ABHD4: variants seen among roughly 807,000 people sequenced by gnomAD.
ABHD4 encodes the protein (Lyso)-N-acylphosphatidylethanolamine lipase.
A neutral mutation model predicts 42.3 loss-of-function variants in ABHD4; 35 were observed. The observed-to-expected ratio is 0.83, with a 90% CI of 0.63 to 1.10. The LOEUF is 1.10. Among genes scored for constraint, ABHD4 ranks in the 50% least tolerant of loss-of-function variants. The pLI is 0.00. For missense variants in ABHD4, 389 were observed against 454.8 expected, an observed-to-expected ratio of 0.86 and a Z score of 1.32; for synonymous variants, 169 against 170.6, an observed-to-expected ratio of 0.99 and a Z score of 0.07.
intron 4 of ABHD4, among the ~76,000 whole-genome samples, chr14:22,604,819 A>G (rs2037330653): frequency 6.6e-6 from 1 of 151,680 alleles, no homozygotes; most frequent in Non-Finnish European, 1.5e-5. Flanking sequence ...CATGTTGGCT[A>G]GGCTGGTCTT....
intron 5 of ABHD4, among the ~76,000 whole-genome samples, chr14:22,608,577 G>T (rs1049915333): frequency 6.6e-6 from 1 of 152,126 alleles, no homozygotes; most frequent in Non-Finnish European, 1.5e-5. Flanking sequence ...ACTTTTAAGC[G>T]TTCACCTCAG....
At chr14:22,609,960 C>T (rs747320730) in intron 6 of ABHD4, 50 bp downstream of exon 6, 8 of 1,576,544 alleles carry the variant, frequency 5.1e-6, no homozygotes, top group Non-Finnish European at 8.7e-7. Flanking sequence ...AGTCAATCAC[C>T]TCTCAGCCTT....
chr14:22,610,183 G>A (rs539570806), intron 6 of ABHD4, among the ~76,000 whole-genome samples: 2 of 152,110 alleles, frequency 1.3e-5, no homozygotes, highest in South Asian at 2.1e-4. Flanking sequence ...TCAGCCTCCC[G>A]AGTAGCTGGG....
chr14:22,602,986 TA>T (rs1049155249), intron 2 of ABHD4, among the ~76,000 whole-genome samples: 4 of 152,082 alleles, frequency 2.6e-5, no homozygotes, highest in African/African-American at 9.7e-5. Flanking sequence ...ATATCAAAGA[TA>T]AAGGGAGTTC....
Position 22,603,379 on chromosome 14 carries a change from T to G in ABHD4, c.113-11T>G, listed in dbSNP as rs755466641. The G allele has an allele frequency of 6.2e-7, 1 of 1,613,936 alleles. No individual in the cohort carries two copies. The highest frequency in any genetic ancestry group is 1.3e-5 in the African/African-American group (1 of 74,904). On this transcript the variant is annotated splice_polypyrimidine_tract_variant and intron_variant, in intron 2 of 6. Transcript: ENST00000428304. ...ACTTATTGACTTACCATGGGATTCT[T>G]TCCTCCCCAGGTCTCCAGAATAAGT...
chr14:22,604,244 T>G (rs1362028093), intron 4 of ABHD4, 165 bp downstream of exon 4: 4 of 861,428 alleles, frequency 4.6e-6, no homozygotes, highest in East Asian at 5.4e-5. Context: ...AGGTTTTTTG[T>G]TTTTTTGTTT....
chr14:22,598,654 T>G, intron 1 of ABHD4: 1 of 513,290 alleles, frequency 1.9e-6, no homozygotes, highest in Non-Finnish European at 3.4e-6. Flanking sequence ...GAAAGCAAGC[T>G]TGTGGGACGC....
chr14:22,610,320 GT>G (rs1594894513), intron 6 of ABHD4, among the ~76,000 whole-genome samples: 1 of 152,176 alleles, frequency 6.6e-6, no homozygotes, highest in East Asian at 1.9e-4. Flanking sequence ...GCCTCCCAAA[GT>G]GCTCGTATTG....
chr14:22,601,722 C>T lies in ABHD4; in HGVS notation c.79C>T (p.Gln27Ter). Reference sequence around the variant, plus strand: ...CACGTGGCGCCCCACTTCCATGTCTCAGCTGAAGAATGTGGAAGCCAGGAT... The same window carrying T: ...CACGTGGCGCCCCACTTCCATGTCTTAGCTGAAGAATGTGGAAGCCAGGAT... ...LPTWRPTSMS[Q>*]LKNVEARILQ... is the part of the protein sequence containing the mutation. The change falls in exon 2 of 7, where the codon CAG becomes TAG. Residue 27 changes from glutamine (Q) to a stop codon, truncating the protein, a stop_gained. Coordinates refer to ENST00000428304, the MANE Select transcript of ABHD4 (RefSeq NM_022060.3). LOFTEE classifies it high-confidence loss of function. 6.2e-7 allele frequency: 1 copy of T among 1,614,174 alleles called. No individual in the cohort carries two copies. Among genetic ancestry groups the T allele is most frequent in the Non-Finnish European group, 8.5e-7 (1 of 1,180,016 alleles).
Position 22,604,044 on chromosome 14 carries a change from A to G in ABHD4, c.605A>G (p.Asn202Ser), listed in dbSNP as rs766986324. The change falls in exon 4 of 7, where the codon AAT becomes AGT. Residue 202 changes from asparagine to serine, a missense_variant. By Grantham distance (46) the Asn-to-Ser change is conservative. Around this residue, in one of 3 missense-constraint regions of ABHD4, gnomAD observed 249 missense variants for 254.4 expected, o/e 0.98. Coordinates refer to ENST00000428304, the MANE Select transcript of ABHD4 (RefSeq NM_022060.3). ...GTGGCATCTGTCCTAGGACGTTCCA[A>G]TCCATTGGCTGTTCTTCGAGTAGCT... ...KAVASVLGRSNPLAVLRVAGP... is the reference protein window; with the variant it reads ...KAVASVLGRSSPLAVLRVAGP... The G allele has an allele frequency of 3.1e-6, 5 of 1,613,984 alleles. No homozygotes were observed. Among genetic ancestry groups the G allele is most frequent in the Admixed American group, 3.3e-5 (2 of 59,996 alleles).
chr14:22,601,877 G>A (rs2037289787), intron 2 of ABHD4, 122 bp downstream of exon 2: 9 of 823,734 alleles, frequency 1.1e-5, no homozygotes, highest in Non-Finnish European at 1.8e-5. Flanking sequence ...TGGGGTGGGA[G>A]GAAAGGATGT....
chr14:22,601,763 G>A lies in ABHD4; in HGVS notation c.112+8G>A. 1 of 1,613,332 alleles carries A rather than the reference G, an allele frequency of 6.2e-7. No individual in the cohort carries two copies. The highest frequency in any genetic ancestry group is 1.7e-5 in the Admixed American group (1 of 60,018). On this transcript the variant is annotated splice_region_variant and intron_variant, in intron 2 of 6. Coordinates refer to ENST00000428304, the MANE Select transcript of ABHD4 (RefSeq NM_022060.3). ...AAGCCAGGATCCTCCAGTGTAAGTAGAATGGACAGCTTGTCCCACCTCCCT... is the reference window on the plus strand; with the variant it reads ...AAGCCAGGATCCTCCAGTGTAAGTAAAATGGACAGCTTGTCCCACCTCCCT...
chr14:22,601,200 G>A (rs912886363), intron 1 of ABHD4, among the ~76,000 whole-genome samples: 1 of 152,184 alleles, frequency 6.6e-6, no homozygotes, highest in Non-Finnish European at 1.5e-5. Context: ...TTGGAAGAGG[G>A]CATACATAAA....
rs772718648 is a variant in ABHD4 at position 22,598,334 on chromosome 14, G to A, written c.23+5G>A. Reference sequence around the variant, plus strand: ...GGCCGATGATCTGGAGCAGCAGTGAGTTAATCCTGTCCCTTTCTCTCTTTC... The same window carrying A: ...GGCCGATGATCTGGAGCAGCAGTGAATTAATCCTGTCCCTTTCTCTCTTTC... On this transcript the variant is annotated splice_donor_5th_base_variant and intron_variant, in intron 1 of 6. Transcript: ENST00000428304. 1 of 1,551,742 alleles carries A rather than the reference G, an allele frequency of 6.4e-7. No homozygotes were observed.
intron 4 of ABHD4, chr14:22,605,740 C>A: frequency 1.8e-6 from 2 of 1,119,406 alleles, no homozygotes; most frequent in Non-Finnish European, 2.4e-6. Flanking sequence ...CCTCATGGCA[C>A]CCCCAACCCA....
intron 5 of ABHD4, chr14:22,609,500 A>G (rs1469147821): frequency 6.3e-6 from 3 of 476,348 alleles, no homozygotes; most frequent in Non-Finnish European, 1.1e-5. Flanking sequence ...ATTCTTGGAC[A>G]GTTCGTACTG....
intron 4 of ABHD4, 41 bp downstream of exon 4, chr14:22,604,120 G>A (rs375936744): frequency 1.4e-4 from 220 of 1,599,138 alleles, no homozygotes; most frequent in Admixed American, 8.6e-4. Context: ...AGGCTATAAC[G>A]TTCTAGAAGG....
Position 22,604,059 on chromosome 14 carries a change from T to A in ABHD4, c.620T>A (p.Leu207His). 6.2e-7 allele frequency: 1 copy of A among 1,614,190 alleles called. No individual in the cohort carries two copies. Among genetic ancestry groups the A allele is most frequent in the Non-Finnish European group, 8.5e-7 (1 of 1,180,028 alleles). ...VLGRSNPLAV[L>H]RVAGPWGPGL... ...GGACGTTCCAATCCATTGGCTGTTC[T>A]TCGAGTAGCTGGGCCCTGGGGTGAG... The change falls in exon 4 of 7, where the codon CTT (leucine) becomes CAT (histidine). Residue 207 changes from leucine to histidine, a missense_variant. Around this residue, in one of 3 missense-constraint regions of ABHD4, gnomAD observed 249 missense variants for 254.4 expected, o/e 0.98. Coordinates refer to ENST00000428304, the MANE Select transcript of ABHD4 (RefSeq NM_022060.3).
intron 2 of ABHD4, among the ~76,000 whole-genome samples, chr14:22,602,836 C>G (rs1402530007): frequency 2.6e-5 from 4 of 152,094 alleles, no homozygotes; most frequent in Non-Finnish European, 4.4e-5. Context: ...AAAGATCATT[C>G]AAAACTACTG....
Sources: allele counts gnomAD v4.1 joint callset (sites outside exome capture counted in the v4.1 genomes callset), GRCh38; gene constraint gnomAD v4.1.1; regional missense constraint gnomAD v4.1.1; transcripts MANE v1.5; gene names NCBI Gene and HGNC (gene_info 2026-07-23, HGNC 2026-07-21).